TMPRSS5: variants seen among roughly 807,000 people sequenced by gnomAD.
TMPRSS5 encodes transmembrane serine protease 5.
Under a neutral mutation model 59.7 loss-of-function variants are expected in TMPRSS5, and 45 were observed. That is an observed-to-expected ratio of 0.75 (90% CI 0.59 to 0.97). The LOEUF is 0.97. Ranked by LOEUF, TMPRSS5 falls within the 50% of genes least tolerant of loss-of-function variation. TMPRSS5 has a pLI of 0.00. For synonymous variants in TMPRSS5, 225 were observed against 232.0 expected (o/e 0.97, Z 0.27); for missense variants, 585 against 596.7 (o/e 0.98, Z 0.20).
chr11:113,688,463 A>C (rs1293240391), intron 12 of TMPRSS5, among the ~76,000 whole-genome samples, 189 bp from the exon 13 acceptor site: 2 of 152,156 alleles, frequency 1.3e-5, no homozygotes, highest in Non-Finnish European at 2.9e-5. Flanking sequence ...ATTCCCTGTA[A>C]ACTCCGAATG....
intron 8 of TMPRSS5, 121 bp from the exon 9 acceptor site, chr11:113,693,370 T>C: frequency 8.8e-7 from 1 of 1,132,222 alleles, no homozygotes; most frequent in Non-Finnish European, 1.2e-6. Context: ...CAGCAGGCGG[T>C]GAGCTCCCAG....
intron 10 of TMPRSS5, 43 bp downstream of exon 10, chr11:113,690,798 C>G: frequency 1.3e-6 from 2 of 1,527,810 alleles, no homozygotes. Context: ...AAGAATGCCT[C>G]CCACACCCGC....
chr11:113,694,407 A>C, intron 8 of TMPRSS5, 71 bp downstream of exon 8: 2 of 1,503,060 alleles, frequency 1.3e-6, no homozygotes, highest in Non-Finnish European at 9.0e-7. Flanking sequence ...AACATTTGAT[A>C]CAGGACATAC....
intron 1 of TMPRSS5, among the ~76,000 whole-genome samples, 189 bp downstream of exon 1, chr11:113,706,033 T>C (rs1001115299): frequency 3.9e-5 from 6 of 152,036 alleles, no homozygotes; most frequent in Admixed American, 2.6e-4. Flanking sequence ...TGAAAGAGGA[T>C]AATAAAGGGC....
chr11:113,693,387 C>G (rs1343305089), intron 8 of TMPRSS5, 138 bp from the exon 9 acceptor site: 1 of 884,958 alleles, frequency 1.1e-6, no homozygotes, highest in African/African-American at 1.7e-5. Context: ...CCAGGCCCCA[C>G]AGACTATGCC....
chr11:113,699,251 CTCTCTCTCT>C lies in TMPRSS5; in HGVS notation c.206-233_206-225del, dbSNP rs1565263556. On this transcript the variant is annotated intron_variant, in intron 3 of 12. Coordinates refer to ENST00000299882, the MANE Select transcript of TMPRSS5 (RefSeq NM_030770.4). ...TCTCTCTCTCTCTCTCTCTCTCTCT[CTCTCTCTCT>C]CTCTCTCTCTCCCTCTCTCTCTCTC... Among the ~76,000 whole-genome samples, 315 of 84,628 alleles carry C rather than the reference CTCTCTCTCT, an allele frequency of 3.7e-3. 10 individuals carry two copies. Among genetic ancestry groups the C allele is most frequent in the Non-Finnish European group, 4.5e-3 (206 of 45,328 alleles). 55.5% of individuals were successfully genotyped at this position (84,628 alleles called of 152,430 possible).
chr11:113,702,818 C>A (rs1953180084), intron 1 of TMPRSS5, among the ~76,000 whole-genome samples: 1 of 152,218 alleles, frequency 6.6e-6, no homozygotes, highest in Non-Finnish European at 1.5e-5. Flanking sequence ...TTGGCAGCCT[C>A]CTTGTGGTGT....
In TMPRSS5 at chr11:113,699,627, A is replaced by G; in HGVS notation, c.173T>C (p.Leu58Pro). 6.3e-7 allele frequency: 1 copy of G among 1,583,880 alleles called. No individual in the cohort carries two copies. The highest frequency in any genetic ancestry group is 8.6e-7 in the Non-Finnish European group (1 of 1,165,612). The change falls in exon 3 of 13, where the codon CTG becomes CCG. Residue 58 changes from leucine to proline, a missense_variant. Coordinates refer to ENST00000299882, the MANE Select transcript of TMPRSS5 (RefSeq NM_030770.4). ...CCATGAGCCAACACCTGCACCGGCC[A>G]GCAGCCCCAGGGCTCCCAGCACTGC... is the stretch of plus-strand genomic sequence containing the variant. Reference protein sequence around the residue: ...GCAVLGALGLLAGAGVGSWLL... With the variant: ...GCAVLGALGLPAGAGVGSWLL...
intron 9 of TMPRSS5, 23 bp downstream of exon 9, chr11:113,693,048 C>T: frequency 6.4e-7 from 1 of 1,551,950 alleles, no homozygotes; most frequent in Non-Finnish European, 8.7e-7. Context: ...TCCAGCCTGC[C>T]CACCCTCAAG....
chr11:113,690,192 C>T (rs1209899377), intron 11 of TMPRSS5, 39 bp downstream of exon 11: 1 of 1,487,114 alleles, frequency 6.7e-7, no homozygotes, highest in Non-Finnish European at 9.0e-7. Flanking sequence ...CCACCCCCAC[C>T]TCCACTCCCA....
At chr11:113,697,559 C>A in intron 4 of TMPRSS5, 141 bp from the exon 5 acceptor site, 1 of 954,028 alleles carries the variant, frequency 1.0e-6, no homozygotes, top group Non-Finnish European at 1.6e-6. Context: ...TTCCCTGCTC[C>A]CCGGAGAGTG....
In TMPRSS5 at chr11:113,688,388, T is replaced by A. The variant is rs954217790; in HGVS notation, c.1360-114A>T. On this transcript the variant is annotated intron_variant, in intron 12 of 12. Coordinates refer to ENST00000299882, the MANE Select transcript of TMPRSS5 (RefSeq NM_030770.4). ...GGCCTTGATTTTCACTTCTATCAAA[T>A]GAGGCTAAAAATATCTGCTGCTCAA... 4 of 731,618 alleles carry A rather than the reference T, an allele frequency of 5.5e-6. 1 individual carries two copies. In the Admixed American group the frequency reaches 9.7e-5, roughly 18 times the overall value. The allele number at this position is 731,618 out of a possible 1,614,324, so 45.3% of individuals were successfully genotyped here.
intron 6 of TMPRSS5, among the ~76,000 whole-genome samples, chr11:113,696,064 C>G (rs1346438564): frequency 2.0e-5 from 3 of 152,174 alleles, no homozygotes; most frequent in Non-Finnish European, 4.4e-5. Flanking sequence ...CCTCCCGGCT[C>G]TCCTGGAGGA....
rs550974460 is a variant in TMPRSS5 at position 113,689,833 on chromosome 11, C to T, written c.1291G>A (p.Glu431Lys). The T allele has an allele frequency of 1.3e-6, 2 of 1,599,850 alleles. No homozygotes were observed. Among genetic ancestry groups the T allele is most frequent in the East Asian group, 4.5e-5 (2 of 44,196 alleles). ...GVVSWGRGCAEPNHPGVYAKV... is the reference protein window; with the variant it reads ...GVVSWGRGCAKPNHPGVYAKV... The stretch of plus-strand genomic sequence containing the variant: ...GCGTAGACACCTGGGTGATTGGGCT[C>T]TGCGCAGCCACGCCCCCAGCTGACC... The change falls in exon 12 of 13, where the codon GAG (glutamate) becomes AAG (lysine). Residue 431 changes from glutamate (E) to lysine (K), a missense_variant. Glu to Lys is a moderately conservative substitution (Grantham distance 56, BLOSUM62 1). Coordinates refer to ENST00000299882, the MANE Select transcript of TMPRSS5 (RefSeq NM_030770.4).
rs779939238 is a variant in TMPRSS5, at chr11:113,690,827, G to C, written c.1063+14C>G. ...CACCCGCCCCTGCACCGAGGGCCCA[G>C]GGAGCTGACTCACTATGGCTAGGGT... is the stretch of plus-strand genomic sequence containing the variant. On this transcript the variant is annotated intron_variant, in intron 10 of 12. Coordinates refer to ENST00000299882, the MANE Select transcript of TMPRSS5 (RefSeq NM_030770.4). The C allele has an allele frequency of 2.5e-6, 4 of 1,572,180 alleles. No individual in the cohort carries two copies. Among genetic ancestry groups the C allele is most frequent in the South Asian group, 1.2e-5 (1 of 85,546 alleles).
chr11:113,693,942 A>C (rs906514983), intron 8 of TMPRSS5, among the ~76,000 whole-genome samples: 1 of 152,228 alleles, frequency 6.6e-6, no homozygotes, highest in Admixed American at 6.5e-5. Flanking sequence ...GAAACACAGG[A>C]TACTGTGAAT....
At chr11:113,697,045 G>T in intron 5 of TMPRSS5, 74 bp from the exon 6 acceptor site, 1 of 1,221,412 alleles carries the variant, frequency 8.2e-7, no homozygotes, top group Non-Finnish European at 1.2e-6. Flanking sequence ...CTAGTATAGT[G>T]ACCGCAAGAC....
At position 113,698,938 on chromosome 11, in the gene TMPRSS5, C is replaced by A. The variant is rs768403141; in HGVS notation, c.295G>T (p.Glu99Ter). The A allele has an allele frequency of 1.9e-6, 3 of 1,595,170 alleles. No individual in the cohort carries two copies. Among genetic ancestry groups the A allele is most frequent in the South Asian group, 2.3e-5 (2 of 87,394 alleles). Residue 99 changes from glutamate (E) to a stop codon, truncating the protein, a stop_gained, in exon 4 of 13, where the codon GAG (glutamate) becomes TAG (stop). Coordinates refer to ENST00000299882, the MANE Select transcript of TMPRSS5 (RefSeq NM_030770.4). LOFTEE classifies it high-confidence loss of function. The stretch of plus-strand genomic sequence containing the variant: ...GGAAGTGCAGGGAGCAGAGCTTCCT[C>A]AGCGCTGGCCTCTGAGCAGCTCAAA... ...ITLSCSEASAEEALLPALPKT... is the reference protein window; with the variant it reads ...ITLSCSEASA
rs1376577137 is a variant in TMPRSS5, at chr11:113,695,418, CAACTT to C, written c.599_603del (p.Gln200ArgfsTer7). On this transcript the variant is annotated frameshift_variant, in exon 7 of 13. Coordinates refer to ENST00000299882, the MANE Select transcript of TMPRSS5 (RefSeq NM_030770.4). LOFTEE classifies it high-confidence loss of function. ...GACTCACCAGAGCATCTGAGGGAAACAACTTGACCAGAAGTGCAGTTGTTCCTGCA... is the reference window on the plus strand; with the variant it reads ...GACTCACCAGAGCATCTGAGGGAAACGACCAGAAGTGCAGTTGTTCCTGCA... 8.7e-6 allele frequency: 14 copies of C among 1,613,952 alleles called. No homozygotes were observed. The highest frequency in any genetic ancestry group is 1.2e-5 in the Non-Finnish European group (14 of 1,179,882).
Sources: gnomAD v4.1 joint callset for allele counts (sites outside exome capture counted in the v4.1 genomes callset) on GRCh38, gnomAD v4.1.1 for gene constraint, MANE v1.5 for transcripts, NCBI Gene and HGNC (gene_info 2026-07-23, HGNC 2026-07-21) for gene names.